COX4I1: variants seen among roughly 807,000 people sequenced by gnomAD.
COX4I1 encodes the protein cytochrome c oxidase subunit 4I1, also known as cytochrome c oxidase subunit 4 isoform 1, mitochondrial.
In COX4I1, 18 loss-of-function variants were observed where a neutral mutation model predicts 21.7. The observed-to-expected ratio is 0.83, with a 90% CI of 0.57 to 1.23. The LOEUF (loss-of-function observed/expected upper bound fraction) is 1.23. COX4I1 is among the 50% of genes most tolerant of loss of function. COX4I1 has a pLI of 0.00. For missense variants in COX4I1, 238 were observed against 220.7 expected, an observed-to-expected ratio of 1.08 and a Z score of -0.50; for synonymous variants, 100 against 81.5, an observed-to-expected ratio of 1.23 and a Z score of -1.23.
intron 2 of COX4I1, chr16:85,803,205 C>T (rs1442986094): frequency 6.6e-6 from 1 of 152,186 alleles, no homozygotes; most frequent in East Asian, 1.9e-4. Flanking sequence ...GTTCACTCAT[C>T]ATTTTCATAG....
intron 2 of COX4I1, chr16:85,803,107 C>G (rs1905899019): frequency 6.6e-6 from 1 of 152,190 alleles, no homozygotes; most frequent in Admixed American, 6.5e-5. Context: ...TAATAACTCT[C>G]ATGTGTAAGC....
At chr16:85,806,226 C>G (rs1906187594) in intron 4 of COX4I1, 6 of 590,764 alleles carry the variant, frequency 1.0e-5, no homozygotes, top group South Asian at 6.3e-5. Flanking sequence ...GAATGACTGT[C>G]TGGACTGTTG....
Position 85,805,063 on chromosome 16 carries a change from A to C in COX4I1, c.200A>C (p.Lys67Thr). The part of the protein sequence containing the change: ...ASQKALKEKE[K>T]ASWSSLSMDE... ...CAGAAGGCATTGAAGGAGAAGGAGA[A>C]GGCCTCCTGGAGCAGCCTCTCCATG... Residue 67 changes from lysine to threonine, a missense_variant, in exon 3 of 5, where the codon AAG becomes ACG. Transcript: ENST00000253452. 1 of 1,613,992 alleles carries C rather than the reference A, an allele frequency of 6.2e-7. No homozygotes were observed.
chr16:85,804,903 G>A, intron 2 of COX4I1, 34 bp from the exon 3 acceptor site: 1 of 1,577,332 alleles, frequency 6.3e-7, no homozygotes, highest in Non-Finnish European at 8.6e-7. Context: ...CAACTTACAT[G>A]GATTTTCAAA....
rs1409440829 is a variant in COX4I1 at position 85,807,040 on chromosome 16, A to T, written c.*166A>T. 1 of 703,110 alleles carries T rather than the reference A, an allele frequency of 1.4e-6. No individual in the cohort carries two copies. The highest frequency in any genetic ancestry group is 2.8e-5 in the East Asian group (1 of 35,874). 43.6% of individuals were successfully genotyped at this position (703,110 alleles called of 1,614,324 possible). A position where few individuals can be genotyped will look rare whatever the true frequency, so the allele number is the denominator to read the frequency against. ...AGTTCTTTAATGATACCTAAATGAAAGCTAATTAAAACAATAGGTTTCTCC... is the reference window on the plus strand; with the variant it reads ...AGTTCTTTAATGATACCTAAATGAATGCTAATTAAAACAATAGGTTTCTCC... On this transcript the variant is annotated 3_prime_UTR_variant, in exon 5 of 5. Transcript: ENST00000253452.
chr16:85,802,340 G>A (rs1478449422), intron 2 of COX4I1, among the ~76,000 whole-genome samples: 2 of 152,188 alleles, frequency 1.3e-5, no homozygotes, highest in African/African-American at 2.4e-5. Context: ...AACACTGGAT[G>A]CCTCATGAAT....
Position 85,806,881 on chromosome 16 carries a change from C to T in COX4I1, c.*7C>T, listed in dbSNP as rs1300280903. On this transcript the variant is annotated 3_prime_UTR_variant, in exon 5 of 5. Transcript: ENST00000253452. ...GAACGAGTGGAAGAAGTGAGAGATG[C>T]TGGCCTGCGCCTGCACCTGCGCCTG... 1 of 1,610,092 alleles carries T rather than the reference C, an allele frequency of 6.2e-7. No homozygotes were observed. The highest frequency in any genetic ancestry group is 8.5e-7 in the Non-Finnish European group (1 of 1,177,780).
At chr16:85,805,359 G>T (rs1274079695) in intron 3 of COX4I1, 2 of 528,254 alleles carry the variant, frequency 3.8e-6, no homozygotes. Context: ...CATATCTGCT[G>T]GGTAAGACAT....
chr16:85,803,565 C>A (rs1230015651), intron 2 of COX4I1: 1 of 152,216 alleles, frequency 6.6e-6, no homozygotes, highest in African/African-American at 2.4e-5. Context: ...CTCAGTACAA[C>A]CAAGCTATTC....
chr16:85,801,377 C>A, intron 2 of COX4I1, 99 bp downstream of exon 2: 1 of 1,042,574 alleles, frequency 9.6e-7, no homozygotes, highest in South Asian at 1.5e-5. Flanking sequence ...GACCTTAATT[C>A]GGCTCTTGAG....
At position 85,806,753 on chromosome 16, in the gene COX4I1, C is replaced by T. The variant is rs1212074274; in HGVS notation, c.389C>T (p.Pro130Leu). The stretch of plus-strand genomic sequence containing the variant: ...CACACCGTAGTGTACGGCCCCCTCC[C>T]GCAAAGCTTTGACAAAGAGTGGGTG... ...WQKHYVYGPL[P>L]QSFDKEWVAK... Residue 130 changes from proline to leucine, a missense_variant, in exon 5 of 5, where the codon CCG becomes CTG. Transcript: ENST00000253452. The T allele has an allele frequency of 1.5e-5, 24 of 1,613,950 alleles. No individual in the cohort carries two copies. The highest frequency in any genetic ancestry group is 2.0e-5 in the Non-Finnish European group (24 of 1,180,008).
chr16:85,802,641 G>A (rs1383240347), intron 2 of COX4I1, among the ~76,000 whole-genome samples: 1 of 152,256 alleles, frequency 6.6e-6, no homozygotes, highest in Non-Finnish European at 1.5e-5. Flanking sequence ...AGTAAGGGGT[G>A]CCCAGATATA....
At chr16:85,805,622 C>T in intron 3 of COX4I1, 111 bp from the exon 4 acceptor site, 1 of 1,506,766 alleles carries the variant, frequency 6.6e-7, no homozygotes, top group Admixed American at 1.8e-5. Flanking sequence ...TATCCTTCAG[C>T]TCTGTGTTTC....
At position 85,805,804 on chromosome 16, in the gene COX4I1, G is replaced by A; in HGVS notation, c.313G>A (p.Gly105Ser). 6.2e-7 allele frequency: 1 copy of A among 1,614,254 alleles called. No homozygotes were observed. The highest frequency in any genetic ancestry group is 1.1e-5 in the South Asian group (1 of 91,090). Residue 105 changes from glycine (G) to serine (S), a missense_variant, in exon 4 of 5, where the codon GGC (glycine) becomes AGC (serine). Coordinates refer to ENST00000253452, the MANE Select transcript of COX4I1 (RefSeq NM_001861.6). ...CTCGAACGAGTGGAAGACGGTTGTG[G>A]GCGGTGCCATGTTCTTCATCGGTTT... ...RGSNEWKTVV[G>S]GAMFFIGFTA... is the part of the protein sequence containing the mutation.
chr16:85,805,554 C>A, intron 3 of COX4I1, 179 bp from the exon 4 acceptor site: 1 of 822,748 alleles, frequency 1.2e-6, no homozygotes. Context: ...CTGTCACATG[C>A]CTGCGTGGGC....
At chr16:85,804,119 A>G (rs1208662764) in intron 2 of COX4I1, 1 of 152,254 alleles carries the variant, frequency 6.6e-6, no homozygotes, top group Non-Finnish European at 1.5e-5. Flanking sequence ...CCTCGTTTCT[A>G]AGAGCTAGCA....
intron 2 of COX4I1, chr16:85,804,420 G>A (rs137975688): frequency 0.015 from 2,354 of 152,888 alleles, 33 homozygotes; most frequent in South Asian, 0.064. Flanking sequence ...GCAGCGGTGC[G>A]ATCTCAGCTC....
At chr16:85,800,783 C>T (rs1905664175) in intron 1 of COX4I1, among the ~76,000 whole-genome samples, 1 of 152,084 alleles carries the variant, frequency 6.6e-6, no homozygotes, top group African/African-American at 2.4e-5. Flanking sequence ...ACTACCATGC[C>T]CGGCTAATTT....
chr16:85,800,272 C>A (rs1314885815), intron 1 of COX4I1, among the ~76,000 whole-genome samples: 1 of 152,222 alleles, frequency 6.6e-6, no homozygotes, highest in Non-Finnish European at 1.5e-5. Flanking sequence ...GAGGGTATTT[C>A]CCCACATCAC....
Sources: gnomAD v4.1 joint callset for allele counts (sites outside exome capture counted in the v4.1 genomes callset) on GRCh38, gnomAD v4.1.1 for gene constraint, MANE v1.5 for transcripts, NCBI Gene and HGNC (gene_info 2026-07-23, HGNC 2026-07-21) for gene names.